The following LDLRAD3 variants were observed in gnomAD, a reference collection of about 807,000 sequenced individuals.
LDLRAD3 encodes low density lipoprotein receptor class A domain containing 3.
A neutral mutation model predicts 29.4 loss-of-function variants in LDLRAD3; 20 were observed. The observed-to-expected ratio is 0.68, with a 90% CI of 0.48 to 0.99. LDLRAD3 has a LOEUF of 0.99. Ranked by LOEUF, LDLRAD3 falls within the 50% of genes least tolerant of loss-of-function variation. The pLI is 0.00. For synonymous variants in LDLRAD3, 157 were observed against 192.7 expected (o/e 0.81, Z 1.53); for missense variants, 420 against 454.3 (o/e 0.92, Z 0.69).
intron 4 of LDLRAD3, among the ~76,000 whole-genome samples, chr11:36,128,140 A>ATATATATATATATATATATATATG (rs1224846486): frequency 1.5e-5 from 2 of 132,866 alleles, no homozygotes; most frequent in African/African-American, 2.6e-5. Flanking sequence ...ATATATGTAT[A>ATATATATATATATATATATATATG]TGACATGTAG....
intron 3 of LDLRAD3, among the ~76,000 whole-genome samples, chr11:36,095,452 C>T (rs530928302): frequency 3.3e-5 from 5 of 152,302 alleles, no homozygotes; most frequent in African/African-American, 1.2e-4. Flanking sequence ...TGCTGTTCCT[C>T]TTATGTCAAT....
chr11:35,999,510 T>C (rs1251230602), intron 1 of LDLRAD3, among the ~76,000 whole-genome samples: 4 of 152,130 alleles, frequency 2.6e-5, no homozygotes, highest in African/African-American at 7.2e-5. Flanking sequence ...GCAGATTCAC[T>C]CCTTCTTGGT....
At chr11:35,971,462 C>T (rs903426178) in intron 1 of LDLRAD3, among the ~76,000 whole-genome samples, 1 of 152,176 alleles carries the variant, frequency 6.6e-6, no homozygotes, top group Admixed American at 6.5e-5. Flanking sequence ...CCCAGTTTGA[C>T]CTATGTCCTT....
intron 5 of LDLRAD3, 90 bp downstream of exon 5, chr11:36,227,520 C>G: frequency 9.7e-7 from 1 of 1,029,364 alleles, no homozygotes; most frequent in Non-Finnish European, 1.4e-6. Flanking sequence ...TTAGGTCTTG[C>G]CAAGAGCCTG....
intron 1 of LDLRAD3, among the ~76,000 whole-genome samples, chr11:36,032,772 G>A (rs1852251412): frequency 6.6e-6 from 1 of 152,138 alleles, no homozygotes; most frequent in Admixed American, 6.5e-5. Flanking sequence ...ATGGCGGCTT[G>A]GATTGGGTGG....
At chr11:36,150,523 G>A (rs1209725050) in intron 4 of LDLRAD3, among the ~76,000 whole-genome samples, 1 of 151,818 alleles carries the variant, frequency 6.6e-6, no homozygotes, top group South Asian at 2.1e-4. Flanking sequence ...GCGAGACCTT[G>A]TCTCTTTAAA....
chr11:36,140,992 T>TTCTTTCTCTC lies in LDLRAD3; in HGVS notation c.454+42534_454+42535insTTCTCTCTCT, dbSNP rs1279929124. Among the ~76,000 whole-genome samples the TTCTTTCTCTC allele has an allele frequency of 7.5e-4, 83 of 110,048 alleles. 3 individuals carry two copies. The highest frequency in any genetic ancestry group is 2.5e-3 in the African/African-American group (79 of 31,334). The allele number at this position is 110,048 out of a possible 152,430, so 72.2% of individuals were successfully genotyped here. A position where few individuals can be genotyped will look rare whatever the true frequency, so the allele number is the denominator to read the frequency against. ...TTTTAATTCTGGGTGCTGTTGAGCTTTCTCTCTCTCTCTCTCTCTCTCTCT... is the reference window on the plus strand; with the variant it reads ...TTTTAATTCTGGGTGCTGTTGAGCTTTCTTTCTCTCTCTCTCTCTCTCTCTCTCTCTCTCT... On this transcript the variant is annotated intron_variant, in intron 4 of 5. Coordinates refer to ENST00000315571, the MANE Select transcript of LDLRAD3 (RefSeq NM_174902.4).
At chr11:36,077,719 A>T (rs1004585892) in intron 2 of LDLRAD3, among the ~76,000 whole-genome samples, 2 of 152,232 alleles carry the variant, frequency 1.3e-5, no homozygotes, top group African/African-American at 4.8e-5. Flanking sequence ...CAGCAACCAC[A>T]GAGCCCTAAA....
intron 4 of LDLRAD3, among the ~76,000 whole-genome samples, chr11:36,171,025 C>T (rs1049671030): frequency 6.6e-5 from 10 of 152,268 alleles, no homozygotes; most frequent in African/African-American, 2.2e-4. Flanking sequence ...TGGTATCGAT[C>T]TCTTGACTTC....
intron 1 of LDLRAD3, among the ~76,000 whole-genome samples, chr11:35,970,999 C>T (rs943719916): frequency 6.6e-6 from 1 of 151,926 alleles, no homozygotes; most frequent in Non-Finnish European, 1.5e-5. Context: ...CTCCCTGGTG[C>T]TCAGCCAGGC....
intron 1 of LDLRAD3, among the ~76,000 whole-genome samples, chr11:35,982,338 C>A (rs2133158202): frequency 6.6e-6 from 1 of 152,242 alleles, no homozygotes; most frequent in East Asian, 1.9e-4. Context: ...CTCCACATCA[C>A]TCTCTCTCTG....
At chr11:36,083,937 G>C (rs1449626283) in intron 3 of LDLRAD3, among the ~76,000 whole-genome samples, 1 of 149,652 alleles carries the variant, frequency 6.7e-6, no homozygotes, top group African/African-American at 2.5e-5. Flanking sequence ...CTTTTTTTTT[G>C]AGACAAGGTC....
chr11:36,135,020 C>T (rs1853983797), intron 4 of LDLRAD3, among the ~76,000 whole-genome samples: 1 of 152,124 alleles, frequency 6.6e-6, no homozygotes, highest in Non-Finnish European at 1.5e-5. Context: ...TCCATTTTCC[C>T]TGTTTCCCCT....
intron 4 of LDLRAD3, chr11:36,163,200 G>A (rs1854467983): frequency 6.6e-6 from 1 of 152,300 alleles, no homozygotes; most frequent in South Asian, 2.1e-4. Context: ...TTCCAACACA[G>A]GCAGTTGCCT....
chr11:35,968,830 T>C (rs936620773), intron 1 of LDLRAD3, among the ~76,000 whole-genome samples: 2 of 152,232 alleles, frequency 1.3e-5, no homozygotes, highest in African/African-American at 4.8e-5. Flanking sequence ...TTATTTAACC[T>C]GGCAGGTTTC....
At chr11:36,002,614 G>C (rs12281629) in intron 1 of LDLRAD3, among the ~76,000 whole-genome samples, 34,810 of 152,150 alleles carry the variant, frequency 0.23, 6,761 homozygotes, top group African/African-American at 0.53. Context: ...CATCAGGCCC[G>C]TCCTGGACTG....
intron 1 of LDLRAD3, among the ~76,000 whole-genome samples, chr11:36,016,109 A>G (rs1212968385): frequency 6.6e-6 from 1 of 152,216 alleles, no homozygotes; most frequent in East Asian, 1.9e-4. Context: ...CATCCCACCC[A>G]GGCAACTGAG....
chr11:36,108,242 C>T (rs1443594204), intron 4 of LDLRAD3, among the ~76,000 whole-genome samples: 3 of 137,844 alleles, frequency 2.2e-5, no homozygotes, highest in African/African-American at 5.4e-5. Context: ...ATGGTGTGAA[C>T]CCAGGAGGCA....
intron 4 of LDLRAD3, among the ~76,000 whole-genome samples, chr11:36,167,614 G>A (rs948110887): frequency 6.6e-6 from 1 of 152,140 alleles, no homozygotes; most frequent in Non-Finnish European, 1.5e-5. Context: ...AAGCCAAGGA[G>A]CACCCAAGAT....
Sources: allele counts gnomAD v4.1 joint callset (sites outside exome capture counted in the v4.1 genomes callset), GRCh38; gene constraint gnomAD v4.1.1; transcripts MANE v1.5; gene names NCBI Gene and HGNC (gene_info 2026-07-23, HGNC 2026-07-21).